HEATR5B: variants seen among roughly 807,000 people sequenced by gnomAD.
HEATR5B encodes the protein HEAT repeat-containing protein 5B.
HEATR5B carries 156 observed loss-of-function variants against 224.1 expected under a neutral mutation model. That is an observed-to-expected ratio of 0.70 (90% CI 0.61 to 0.80). The LOEUF is 0.80. HEATR5B is among the 30% of genes least tolerant of loss of function. The probability of loss-of-function intolerance (pLI) is 0.00; values close to 1 mark genes in which losing one functional copy is unlikely to be tolerated. For synonymous variants in HEATR5B, 1,027 were observed against 893.0 expected, an observed-to-expected ratio of 1.15 and a Z score of -2.68; for missense variants, 2,323 against 2,535.5, an observed-to-expected ratio of 0.92 and a Z score of 1.80.
chr2:37,027,241 GTGA>G (rs1426174934), intron 24 of HEATR5B, among the ~76,000 whole-genome samples: 4 of 152,138 alleles, frequency 2.6e-5, no homozygotes, highest in African/African-American at 9.7e-5. Context: ...AAATGACTGG[GTGA>G]TGAAGAGACA....
chr2:37,082,404 TA>T (rs1401573489), intron 2 of HEATR5B, among the ~76,000 whole-genome samples: 1 of 151,956 alleles, frequency 6.6e-6, no homozygotes, highest in African/African-American at 2.4e-5. Flanking sequence ...AGACAGAATA[TA>T]AAATACACAG....
At position 37,012,320 on chromosome 2, in the gene HEATR5B, C is replaced by T. The variant is rs563730389; in HGVS notation, c.4284+1521G>A. ...GTGAATAATAACACCATAACAAATACCCTTGTAGCAGAACCTTTGTGCATA... is the reference window on the plus strand; with the variant it reads ...GTGAATAATAACACCATAACAAATATCCTTGTAGCAGAACCTTTGTGCATA... On this transcript the variant is annotated intron_variant, in intron 27 of 35. Transcript: ENST00000233099. Among the ~76,000 whole-genome samples, 31 of 152,240 alleles carry T rather than the reference C, an allele frequency of 2.0e-4. 2 individuals are homozygous for T. The South Asian group carries it at 6.4e-3, about 32-fold the overall frequency.
intron 27 of HEATR5B, among the ~76,000 whole-genome samples, chr2:37,012,143 C>T (rs150445071): frequency 2.0e-3 from 305 of 152,226 alleles, no homozygotes; most frequent in African/African-American, 6.9e-3. Flanking sequence ...AGATACAATG[C>T]TGTTACCAGT....
At chr2:37,023,415 T>C (rs1455560324) in intron 24 of HEATR5B, among the ~76,000 whole-genome samples, 1 of 152,168 alleles carries the variant, frequency 6.6e-6, no homozygotes, top group African/African-American at 2.4e-5. Flanking sequence ...TTATAAGATG[T>C]GTATCTTCAT....
At chr2:36,986,650 C>T (rs894940240) in intron 35 of HEATR5B, among the ~76,000 whole-genome samples, 2 of 152,130 alleles carry the variant, frequency 1.3e-5, no homozygotes, top group African/African-American at 4.8e-5. Context: ...TGGAGTCTCG[C>T]TCTGTCACCC....
chr2:37,003,260 CAAAAAAAAAAAAAA>C (rs757178937), intron 31 of HEATR5B, among the ~76,000 whole-genome samples: 2 of 56,874 alleles, frequency 3.5e-5, no homozygotes, highest in South Asian at 7.4e-4. Flanking sequence ...GTCCCGCCCG[CAAAAAAAAAAAAAA>C]AAAAAAAAAA....
chr2:37,059,792 A>G (rs947870136), intron 12 of HEATR5B, among the ~76,000 whole-genome samples: 12 of 152,048 alleles, frequency 7.9e-5, no homozygotes, highest in Non-Finnish European at 1.0e-4. Flanking sequence ...GAATTTTTAC[A>G]TATATTTGTG....
intron 18 of HEATR5B, among the ~76,000 whole-genome samples, chr2:37,047,536 C>T (rs562535155): frequency 6.6e-6 from 1 of 152,158 alleles, no homozygotes; most frequent in East Asian, 1.9e-4. Flanking sequence ...TCTCAGAGGT[C>T]TCAAAGTGAC....
intron 24 of HEATR5B, among the ~76,000 whole-genome samples, chr2:37,021,339 T>C (rs544225076): frequency 2.2e-4 from 33 of 152,338 alleles, no homozygotes; most frequent in African/African-American, 6.0e-4. Context: ...CCCACAATGA[T>C]AGAAGGCCAA....
chr2:37,016,565 C>A (rs1243640152), intron 26 of HEATR5B, among the ~76,000 whole-genome samples: 1 of 152,144 alleles, frequency 6.6e-6, no homozygotes, highest in Non-Finnish European at 1.5e-5. Context: ...ACAGATGTAT[C>A]TGCAACAAAA....
intron 21 of HEATR5B, among the ~76,000 whole-genome samples, chr2:37,034,417 T>A (rs1669341046): frequency 1.5e-5 from 2 of 133,664 alleles, no homozygotes; most frequent in Non-Finnish European, 3.2e-5. Context: ...ATCGAGACCA[T>A]CCCGGCTAAA....
intron 16 of HEATR5B, chr2:37,055,019 G>A (rs1042736659): frequency 1.6e-5 from 5 of 317,538 alleles, no homozygotes; most frequent in African/African-American, 8.9e-5. Flanking sequence ...TACAGATTCA[G>A]ATGTACGTGT....
At position 37,037,998 on chromosome 2, in the gene HEATR5B, G is replaced by A. The variant is rs267599367; in HGVS notation, c.3073C>T (p.Arg1025Cys). The A allele has an allele frequency of 1.1e-5, 18 of 1,567,986 alleles. No individual in the cohort carries two copies. The highest frequency in any genetic ancestry group is 2.4e-5 in the South Asian group (2 of 82,268). ...GCACAACCCACCAAACAAGAGGAAC[G>A]AATTGTAGAAGTTGTTGCTCCATTC... is the stretch of plus-strand genomic sequence containing the variant. ...QGNGATTSTIRSSCLVGCAIT... is the reference protein window; with the variant it reads ...QGNGATTSTICSSCLVGCAIT... Residue 1025 changes from arginine (R) to cysteine (C), a missense_variant, in exon 21 of 36, where the codon CGT becomes TGT. Arg to Cys is a radical substitution (Grantham distance 180). Coordinates refer to ENST00000233099, the MANE Select transcript of HEATR5B (RefSeq NM_019024.3).
At position 37,053,621 on chromosome 2, in the gene HEATR5B, A is replaced by G; in HGVS notation, c.2400-14T>C. The G allele has an allele frequency of 5.3e-6, 8 of 1,499,850 alleles. No individual in the cohort carries two copies. Among genetic ancestry groups the G allele is most frequent in the Non-Finnish European group, 7.3e-6 (8 of 1,092,140 alleles). 92.9% of individuals were successfully genotyped at this position (1,499,850 alleles called of 1,614,324 possible). A position where few individuals can be genotyped will look rare whatever the true frequency, so the allele number is the denominator to read the frequency against. ...AACATTTGTAATCTATAACAATAAGAAAAAAAAATCACATTAGTGACAAAT... is the reference window on the plus strand; with the variant it reads ...AACATTTGTAATCTATAACAATAAGGAAAAAAAATCACATTAGTGACAAAT... On this transcript the variant is annotated splice_polypyrimidine_tract_variant and intron_variant, in intron 16 of 35. Transcript: ENST00000233099.
At chr2:37,032,568 A>G (rs1669199572) in intron 22 of HEATR5B, 61 bp downstream of exon 22, 1 of 1,357,654 alleles carries the variant, frequency 7.4e-7, no homozygotes, top group Non-Finnish European at 1.0e-6. Context: ...GATAAATAGT[A>G]CTTAACTGAA....
intron 22 of HEATR5B, among the ~76,000 whole-genome samples, chr2:37,032,163 T>C (rs549695151): frequency 2.0e-5 from 3 of 152,268 alleles, no homozygotes; most frequent in African/African-American, 7.2e-5. Context: ...CCTCAAGAAA[T>C]GGCAGAAATA....
chr2:37,037,666 A>G (rs555039173), intron 21 of HEATR5B, among the ~76,000 whole-genome samples, 189 bp downstream of exon 21: 2 of 152,356 alleles, frequency 1.3e-5, no homozygotes, highest in South Asian at 2.1e-4. Flanking sequence ...TAACACAAAT[A>G]AATGATAAAT....
At chr2:36,996,694 G>A (rs1457136591) in intron 33 of HEATR5B, among the ~76,000 whole-genome samples, 1 of 152,084 alleles carries the variant, frequency 6.6e-6, no homozygotes, top group East Asian at 1.9e-4. Flanking sequence ...CTGGATTCAA[G>A]AGATTCTCCT....
At chr2:36,983,047 C>T (rs559411203) in intron 35 of HEATR5B, among the ~76,000 whole-genome samples, 1 of 152,262 alleles carries the variant, frequency 6.6e-6, no homozygotes, top group Admixed American at 6.5e-5. Flanking sequence ...CACAGCCATC[C>T]AGTAACTATG....
Sources: allele counts gnomAD v4.1 joint callset (sites outside exome capture counted in the v4.1 genomes callset), GRCh38; gene constraint gnomAD v4.1.1; transcripts MANE v1.5; gene names NCBI Gene and HGNC (gene_info 2026-07-23, HGNC 2026-07-21).